The following CEP135 variants were observed in gnomAD, a reference collection of about 807,000 sequenced individuals.
The protein encoded by CEP135 is centrosomal protein of 135 kDa.
In CEP135, 142 loss-of-function variants were observed where a neutral mutation model predicts 157.3. The ratio of observed to expected loss-of-function variants is 0.90; its 90% CI spans 0.79 to 1.04. The LOEUF is 1.04. Among genes scored for constraint, CEP135 ranks in the 50% least tolerant of loss-of-function variants. CEP135 has a pLI of 0.00. For missense variants in CEP135, 1,317 were observed against 1,309.2 expected (o/e 1.01, Z -0.09); for synonymous variants, 396 against 439.8 (o/e 0.90, Z 1.25).
In CEP135 at chr4:55,954,306, A is replaced by G; in HGVS notation, c.395A>G (p.Glu132Gly). Residue 132 changes from glutamate (E) to glycine (G), a missense_variant, in exon 4 of 26, where the codon GAG becomes GGG. Physicochemically the swap from Glu to Gly is moderately conservative, Grantham distance 98. Coordinates refer to ENST00000257287, the MANE Select transcript of CEP135 (RefSeq NM_025009.5). ...NQYAHKLKLL[E>G]KESKAKNERI... Reference sequence around the variant, plus strand: ...TATGCTCATAAACTCAAACTGTTGGAGAAAGAGAGCAAAGCTAAGAATGAA... The same window carrying G: ...TATGCTCATAAACTCAAACTGTTGGGGAAAGAGAGCAAAGCTAAGAATGAA... 1 of 1,612,140 alleles carries G rather than the reference A, an allele frequency of 6.2e-7. No individual in the cohort carries two copies. Among genetic ancestry groups the G allele is most frequent in the African/African-American group, 1.3e-5 (1 of 74,982 alleles).
At chr4:55,964,177 G>C in intron 6 of CEP135, 97 bp from the exon 7 acceptor site, 1 of 1,187,226 alleles carries the variant, frequency 8.4e-7, no homozygotes, top group Non-Finnish European at 1.2e-6. Flanking sequence ...GCATACATTG[G>C]TACATAAGAA....
chr4:55,974,388 C>T (rs895374367), intron 10 of CEP135, among the ~76,000 whole-genome samples: 2 of 152,032 alleles, frequency 1.3e-5, no homozygotes, highest in Admixed American at 6.5e-5. Flanking sequence ...TAAGTTTGTG[C>T]ATGTTATGAT....
chr4:55,974,295 C>A (rs557701834), intron 10 of CEP135, among the ~76,000 whole-genome samples: 2 of 152,138 alleles, frequency 1.3e-5, no homozygotes, highest in Non-Finnish European at 2.9e-5. Flanking sequence ...GAGGCAATTT[C>A]TATGGTAAAA....
intron 21 of CEP135, among the ~76,000 whole-genome samples, chr4:56,016,681 G>GT (rs970979641): frequency 2.9e-4 from 43 of 148,760 alleles, no homozygotes; most frequent in African/African-American, 6.2e-4. Context: ...GATTTGTGGA[G>GT]TTTTTTTTTT....
Position 56,019,559 on chromosome 4 carries a change from A to G in CEP135, c.3215+4A>G, listed in dbSNP as rs747655910. The G allele has an allele frequency of 8.1e-6, 13 of 1,600,864 alleles. No individual in the cohort carries two copies. In the South Asian group the frequency reaches 1.1e-4, roughly 14 times the overall value. On this transcript the variant is annotated splice_donor_region_variant and intron_variant, in intron 23 of 25. Transcript: ENST00000257287. ...TAACCCTTTCTGAAAGCAAATTGTA[A>G]GTGTCTTAAGTCAACTTATGCAAAG...
At chr4:56,022,888 G>A (rs1731015281) in intron 24 of CEP135, among the ~76,000 whole-genome samples, 1 of 152,100 alleles carries the variant, frequency 6.6e-6, no homozygotes, top group Admixed American at 6.6e-5. Flanking sequence ...TTGAGGCCAG[G>A]AATTTAAGAC....
At chr4:55,995,105 C>G (rs1729925934) in intron 15 of CEP135, among the ~76,000 whole-genome samples, 1 of 152,128 alleles carries the variant, frequency 6.6e-6, no homozygotes, top group Non-Finnish European at 1.5e-5. Context: ...CTGTCATCTC[C>G]CTTTAATTAC....
intron 6 of CEP135, among the ~76,000 whole-genome samples, chr4:55,963,484 GC>G (rs1728746934): frequency 6.6e-6 from 1 of 152,144 alleles, no homozygotes; most frequent in East Asian, 1.9e-4. Context: ...GGTGGCTCAC[GC>G]CTATAATCCC....
At position 56,020,779 on chromosome 4, in the gene CEP135, C is replaced by T. The variant is rs138045779; in HGVS notation, c.3319C>T (p.Arg1107Ter). 10 of 1,608,622 alleles carry T rather than the reference C, an allele frequency of 6.2e-6. No homozygotes were observed. Among genetic ancestry groups the T allele is most frequent in the Admixed American group, 1.7e-5 (1 of 59,410 alleles). Residue 1107 changes from arginine (R) to a stop codon, truncating the protein, a stop_gained and splice_region_variant, in exon 24 of 26, where the codon CGA becomes TGA. Transcript: ENST00000257287. LOFTEE classifies it high-confidence loss of function. ...KRQISTERYE[R>*]ERAIQEMRRH... ...GCAGATCTCAACTGAAAGATACGAACGGTAAGACAAATTTTTTTTACATTT... is the reference window on the plus strand; with the variant it reads ...GCAGATCTCAACTGAAAGATACGAATGGTAAGACAAATTTTTTTTACATTT...
chr4:56,029,180 C>T (rs1232987908), intron 25 of CEP135, among the ~76,000 whole-genome samples: 1 of 152,232 alleles, frequency 6.6e-6, no homozygotes, highest in East Asian at 1.9e-4. Context: ...TCAAGGCGCG[C>T]CACCCTGTAA....
At chr4:55,976,492 A>G (rs1378235012) in intron 11 of CEP135, among the ~76,000 whole-genome samples, 1 of 152,224 alleles carries the variant, frequency 6.6e-6, no homozygotes, top group Non-Finnish European at 1.5e-5. Context: ...TATTTGATCC[A>G]TTTGCTCTGT....
At chr4:55,976,322 T>A (rs1729215737) in intron 11 of CEP135, among the ~76,000 whole-genome samples, 1 of 152,084 alleles carries the variant, frequency 6.6e-6, no homozygotes, top group Non-Finnish European at 1.5e-5. Flanking sequence ...TTTATGTTGC[T>A]GAGTTTTTTT....
intron 11 of CEP135, among the ~76,000 whole-genome samples, chr4:55,979,581 G>C (rs1384732161): frequency 2.6e-5 from 4 of 152,132 alleles, no homozygotes; most frequent in African/African-American, 9.7e-5. Flanking sequence ...AATGTGCTAG[G>C]CTGTTACAGT....
chr4:56,013,915 CT>C (rs1730680384), intron 21 of CEP135, among the ~76,000 whole-genome samples: 2 of 152,076 alleles, frequency 1.3e-5, no homozygotes, highest in African/African-American at 2.4e-5. Flanking sequence ...GGACTGATGT[CT>C]TTATAGGACA....
Position 56,020,615 on chromosome 4 carries a change from C to T in CEP135, c.3216-61C>T, listed in dbSNP as rs1730940867. The T allele has an allele frequency of 4.4e-6, 6 of 1,352,720 alleles. No individual in the cohort carries two copies. The South Asian group carries it at 7.5e-5, about 17-fold the overall frequency. The allele number at this position is 1,352,720 out of a possible 1,614,324, so 83.8% of individuals were successfully genotyped here. The stretch of plus-strand genomic sequence containing the variant: ...CTTCTCTTTATTAATTTAAAAAACC[C>T]ACAGCACCTGACTCTACAAAACGGA... On this transcript the variant is annotated intron_variant, in intron 23 of 25. Transcript: ENST00000257287.
Position 56,030,157 on chromosome 4 carries a change from T to C in CEP135, c.*12-1203T>C, listed in dbSNP as rs990751759. On this transcript the variant is annotated intron_variant, in intron 25 of 25. Coordinates refer to ENST00000257287, the MANE Select transcript of CEP135 (RefSeq NM_025009.5). ...CTCTACATGGTGCCCCACTGAAAGGTATTCAGGGGCAATAACATTTACGGA... is the reference window on the plus strand; with the variant it reads ...CTCTACATGGTGCCCCACTGAAAGGCATTCAGGGGCAATAACATTTACGGA... Among the ~76,000 whole-genome samples, 6 of 152,112 alleles carry C rather than the reference T, an allele frequency of 3.9e-5. No homozygotes were observed. The East Asian group carries it at 1.2e-3, about 29-fold the overall frequency.
intron 25 of CEP135, among the ~76,000 whole-genome samples, chr4:56,027,984 A>G (rs1233442426): frequency 6.6e-6 from 1 of 152,138 alleles, no homozygotes; most frequent in Non-Finnish European, 1.5e-5. Flanking sequence ...TCTGGTCTCT[A>G]TGAATTTGCC....
intron 11 of CEP135, among the ~76,000 whole-genome samples, chr4:55,979,658 C>T (rs1192710623): frequency 6.6e-6 from 1 of 152,164 alleles, no homozygotes; most frequent in Non-Finnish European, 1.5e-5. Context: ...GATAAACTAA[C>T]TAGTGGCTCT....
chr4:56,000,516 G>T (rs957551587), intron 17 of CEP135, among the ~76,000 whole-genome samples: 6 of 151,956 alleles, frequency 3.9e-5, no homozygotes, highest in Non-Finnish European at 7.4e-5. Context: ...CTGGTCTTTG[G>T]TAACTACCAG....
Sources: allele counts gnomAD v4.1 joint callset (sites outside exome capture counted in the v4.1 genomes callset), GRCh38; gene constraint gnomAD v4.1.1; transcripts MANE v1.5; gene names NCBI Gene and HGNC (gene_info 2026-07-23, HGNC 2026-07-21).